Variants in REPS1 observed in about 807,000 individuals in gnomAD.
The protein encoded by REPS1 is RALBP1 associated Eps domain containing 1, also known as ralBP1-associated Eps domain-containing protein 1.
REPS1 carries 39 observed loss-of-function variants against 100.9 expected under a neutral mutation model. The ratio of observed to expected loss-of-function variants is 0.39; its 90% CI spans 0.30 to 0.50. REPS1 has a LOEUF of 0.50. REPS1 is among the 20% of genes least tolerant of loss of function. The probability of loss-of-function intolerance (pLI) is 0.86; values close to 1 mark genes in which losing one functional copy is unlikely to be tolerated. For synonymous variants in REPS1, 324 were observed against 340.3 expected, an observed-to-expected ratio of 0.95 and a Z score of 0.53; for missense variants, 821 against 968.5, an observed-to-expected ratio of 0.85 and a Z score of 2.02.
chr6:138,933,545 G>C (rs1582764775), intron 8 of REPS1, among the ~76,000 whole-genome samples: 1 of 150,060 alleles, frequency 6.7e-6, no homozygotes, highest in Admixed American at 6.6e-5. Flanking sequence ...ACAGGGCTTA[G>C]TTTTTAGACC....
intron 1 of REPS1, among the ~76,000 whole-genome samples, chr6:138,976,157 C>T (rs1336125605): frequency 6.6e-6 from 1 of 152,124 alleles, no homozygotes; most frequent in Non-Finnish European, 1.5e-5. Context: ...ATGATCCTTC[C>T]AGTCACAAAT....
chr6:138,985,880 A>T (rs1036126022), intron 1 of REPS1, among the ~76,000 whole-genome samples: 24 of 152,136 alleles, frequency 1.6e-4, no homozygotes, highest in African/African-American at 4.3e-4. Context: ...TTTTATTTCA[A>T]CTCTTTCTCA....
chr6:138,954,502 TAAA>T (rs34061496), intron 1 of REPS1, among the ~76,000 whole-genome samples: 1 of 134,668 alleles, frequency 7.4e-6, no homozygotes. Context: ...ATGATGAGCT[TAAA>T]AAAAAAAAAA....
chr6:138,932,404 C>T (rs1452614998), intron 8 of REPS1, among the ~76,000 whole-genome samples: 1 of 152,104 alleles, frequency 6.6e-6, no homozygotes, highest in African/African-American at 2.4e-5. Flanking sequence ...TGAATCAAGG[C>T]AGTGGCGACA....
intron 15 of REPS1, among the ~76,000 whole-genome samples, chr6:138,913,939 G>T (rs1780187029): frequency 6.6e-6 from 1 of 152,098 alleles, no homozygotes; most frequent in Admixed American, 6.5e-5. Context: ...AGCCACTAAG[G>T]CTGTCCCAAA....
intron 18 of REPS1, 37 bp from the exon 19 acceptor site, chr6:138,907,637 T>A: frequency 2.4e-6 from 3 of 1,229,344 alleles, no homozygotes; most frequent in Non-Finnish European, 3.6e-6. Context: ...CCCATAACCT[T>A]CATTTCTTAT....
chr6:138,976,450 C>T (rs1784608654), intron 1 of REPS1, among the ~76,000 whole-genome samples: 1 of 152,082 alleles, frequency 6.6e-6, no homozygotes, highest in African/African-American at 2.4e-5. Context: ...TAGAATGGCC[C>T]ACAAAAAGAT....
At chr6:138,968,125 T>C (rs1214983699) in intron 1 of REPS1, among the ~76,000 whole-genome samples, 2 of 152,222 alleles carry the variant, frequency 1.3e-5, no homozygotes, top group African/African-American at 4.8e-5. Flanking sequence ...GTGTACTGAA[T>C]GTGTATCGCT....
At chr6:138,982,717 T>G (rs1160317580) in intron 1 of REPS1, among the ~76,000 whole-genome samples, 2 of 152,220 alleles carry the variant, frequency 1.3e-5, no homozygotes, top group South Asian at 2.1e-4. Flanking sequence ...TTACAAAGCA[T>G]GCACTCCTTC....
intron 9 of REPS1, chr6:138,928,358 A>T (rs569414099): frequency 6.6e-6 from 1 of 152,204 alleles, no homozygotes; most frequent in Non-Finnish European, 1.5e-5. Context: ...AAATAAATCT[A>T]TGTTGAAAGA....
chr6:138,933,937 A>G (rs1412736183), intron 8 of REPS1, among the ~76,000 whole-genome samples: 3 of 151,904 alleles, frequency 2.0e-5, no homozygotes, highest in African/African-American at 7.2e-5. Context: ...CGACGACGAC[A>G]ACAACAACAA....
intron 15 of REPS1, among the ~76,000 whole-genome samples, 196 bp downstream of exon 15, chr6:138,914,501 C>T (rs1780223336): frequency 6.6e-6 from 1 of 152,218 alleles, no homozygotes; most frequent in Non-Finnish European, 1.5e-5. Flanking sequence ...ACTTTTAAGG[C>T]TCTTTCAAAA....
At chr6:138,947,066 CTCTCTCTCT>C (rs1582801076) in intron 2 of REPS1, among the ~76,000 whole-genome samples, 1 of 150,580 alleles carries the variant, frequency 6.6e-6, no homozygotes, top group East Asian at 1.9e-4. Context: ...CTCTCTCTCT[CTCTCTCTCT>C]CCTGTGGCCA....
intron 13 of REPS1, 164 bp from the exon 14 acceptor site, chr6:138,916,140 G>A (rs1780362096): frequency 1.5e-5 from 9 of 593,966 alleles, no homozygotes; most frequent in Non-Finnish European, 2.1e-5. Flanking sequence ...CACTGTTTAT[G>A]ATGTACCCTA....
chr6:138,935,641 G>T (rs1350761337), intron 8 of REPS1, among the ~76,000 whole-genome samples: 1 of 151,998 alleles, frequency 6.6e-6, no homozygotes, highest in African/African-American at 2.4e-5. Flanking sequence ...GCTTCACGAG[G>T]TCAGAAGCTC....
In REPS1 at chr6:138,912,817, T is replaced by A; in HGVS notation, c.1919A>T (p.Asn640Ile). 6 of 1,614,170 alleles carry A rather than the reference T, an allele frequency of 3.7e-6. No homozygotes were observed. Among genetic ancestry groups the A allele is most frequent in the Non-Finnish European group, 5.1e-6 (6 of 1,180,014 alleles). Residue 640 changes from asparagine to isoleucine, a missense_variant, in exon 16 of 20, where the codon AAT becomes ATT. By Grantham distance (149) the Asn-to-Ile change is moderately radical. This residue lies in a region of REPS1 where 757 missense variants were observed against 866.4 expected (regional missense o/e 0.87). Transcript: ENST00000450536. Reference sequence around the variant, plus strand: ...TTCATCATCTTGTTCGTCGTTTACATTTGATGCAGCAAATACTTCAAACTG... The same window carrying A: ...TTCATCATCTTGTTCGTCGTTTACAATTGATGCAGCAAATACTTCAAACTG... The part of the protein sequence containing the change: ...FSQFEVFAAS[N>I]VNDEQDDEAE...
intron 1 of REPS1, among the ~76,000 whole-genome samples, chr6:138,960,411 TAAA>T (rs1164593157): frequency 1.3e-5 from 2 of 151,354 alleles, no homozygotes; most frequent in African/African-American, 4.9e-5. Flanking sequence ...AAACGGGAAA[TAAA>T]AAAGTATCAA....
chr6:138,966,456 T>C (rs1003308173), intron 1 of REPS1, among the ~76,000 whole-genome samples: 6 of 152,168 alleles, frequency 3.9e-5, no homozygotes, highest in Non-Finnish European at 8.8e-5. Flanking sequence ...GCACACACAA[T>C]GTGTCAGGTA....
intron 1 of REPS1, among the ~76,000 whole-genome samples, chr6:138,980,464 C>T (rs1276423113): frequency 1.3e-5 from 2 of 152,124 alleles, no homozygotes; most frequent in Non-Finnish European, 2.9e-5. Context: ...TCCACAGTTT[C>T]AGTTCCTTAA....
Sources: gnomAD v4.1 joint callset for allele counts (sites outside exome capture counted in the v4.1 genomes callset) on GRCh38, gnomAD v4.1.1 for gene constraint, gnomAD v4.1.1 regional missense constraint, MANE v1.5 for transcripts, NCBI Gene and HGNC (gene_info 2026-07-23, HGNC 2026-07-21) for gene names.